The following GBF1 variants were observed in gnomAD, a reference collection of about 807,000 sequenced individuals.
GBF1 encodes golgi brefeldin A resistant guanine nucleotide exchange factor 1, also known as Golgi-specific brefeldin A-resistance guanine nucleotide exchange factor 1.
Under a neutral mutation model 210.5 loss-of-function variants are expected in GBF1, and 114 were observed. That is an observed-to-expected ratio of 0.54 (90% CI 0.47 to 0.63). GBF1 has a LOEUF of 0.63. GBF1 is among the 30% of genes least tolerant of loss of function. The pLI, the probability that GBF1 is intolerant of heterozygous loss-of-function variation, is 0.00. For missense variants in GBF1, 1,851 were observed against 2,357.7 expected, an observed-to-expected ratio of 0.79 and a Z score of 4.45; for synonymous variants, 850 against 889.2, an observed-to-expected ratio of 0.96 and a Z score of 0.78.
At chr10:102,233,909 G>C in the GBF1 span, among the ~76,000 whole-genome samples, 3 of 152,156 alleles carry the variant, frequency 2.0e-5, no homozygotes, top group Admixed American at 1.3e-4. Flanking sequence ...TTTTCTGCCT[G>C]CTCTCCCAGG....
intron 29 of GBF1, among the ~76,000 whole-genome samples, chr10:102,374,919 C>T (rs1380724342): frequency 6.6e-6 from 1 of 151,876 alleles, no homozygotes; most frequent in East Asian, 1.9e-4. Flanking sequence ...GCCTATAATC[C>T]CAGCACTTCA....
chr10:102,302,285 G>C (rs994209285), intron 3 of GBF1, among the ~76,000 whole-genome samples: 4 of 152,064 alleles, frequency 2.6e-5, no homozygotes, highest in Non-Finnish European at 5.9e-5. Context: ...AGAGGGGAGA[G>C]GTTAGTATTT....
intron 3 of GBF1, among the ~76,000 whole-genome samples, chr10:102,268,353 A>G (rs890513592): frequency 1.3e-5 from 2 of 152,250 alleles, no homozygotes; most frequent in African/African-American, 4.8e-5. Context: ...TTGTGTAAAA[A>G]GAGGGAAAAG....
At position 102,261,955 on chromosome 10, in the gene GBF1, GCT is replaced by G. The variant is rs200182736; in HGVS notation, c.163+1841_163+1842del. 1.4e-3 allele frequency among the ~76,000 whole-genome samples: 213 copies of G among 152,196 alleles called. 4 individuals are homozygous for G. The East Asian group carries it at 0.038, about 27-fold the overall frequency. On this transcript the variant is annotated intron_variant, in intron 3 of 39. Transcript: ENST00000369983. Reference sequence around the variant, plus strand: ...CTTTTTGTGCAGTGGCGTGATCTCAGCTCACTGTAACTTCTGCTTCTTGGGTT... The same window carrying G: ...CTTTTTGTGCAGTGGCGTGATCTCAGCACTGTAACTTCTGCTTCTTGGGTT...
intron 3 of GBF1, among the ~76,000 whole-genome samples, chr10:102,333,313 C>T (rs777071299): frequency 4.6e-5 from 7 of 152,250 alleles, no homozygotes; most frequent in South Asian, 4.1e-4. Flanking sequence ...TTCTGGAATC[C>T]GTTCCTGAAC....
At chr10:102,257,237 G>A (rs1212979675) in intron 1 of GBF1, among the ~76,000 whole-genome samples, 4 of 152,118 alleles carry the variant, frequency 2.6e-5, no homozygotes, top group Non-Finnish European at 5.9e-5. Context: ...ACTTTTCAAA[G>A]GTCTTGTCAC....
At chr10:102,337,377 A>G (rs1247958067) in intron 3 of GBF1, among the ~76,000 whole-genome samples, 1 of 151,094 alleles carries the variant, frequency 6.6e-6, no homozygotes, top group East Asian at 2.0e-4. Context: ...CTCAAAAAAA[A>G]AAAAAAAAAC....
chr10:102,302,986 CTTTT>C (rs1210930617), intron 3 of GBF1, among the ~76,000 whole-genome samples: 2 of 125,036 alleles, frequency 1.6e-5, no homozygotes, highest in Non-Finnish European at 3.4e-5. Flanking sequence ...CCATTTTAAG[CTTTT>C]TTTTTTTTTT....
At chr10:102,377,174 C>G in intron 33 of GBF1, 34 bp downstream of exon 33, 2 of 1,547,892 alleles carry the variant, frequency 1.3e-6, no homozygotes, top group Non-Finnish European at 1.8e-6. Context: ...CTCTCCTCCC[C>G]TGCACCTGAT....
intron 3 of GBF1, among the ~76,000 whole-genome samples, chr10:102,273,956 T>G (rs1176212780): frequency 6.6e-6 from 1 of 152,226 alleles, no homozygotes; most frequent in East Asian, 1.9e-4. Context: ...GCCACCCTTT[T>G]GAATCATCTT....
At chr10:102,376,165 G>A in intron 30 of GBF1, 107 bp from the exon 31 acceptor site, 1 of 793,694 alleles carries the variant, frequency 1.3e-6, no homozygotes, top group Non-Finnish European at 2.1e-6. Context: ...CTATGCCAGA[G>A]AGAGGGGAGG....
At chr10:102,263,340 A>C (rs1057333863) in intron 3 of GBF1, among the ~76,000 whole-genome samples, 3 of 152,174 alleles carry the variant, frequency 2.0e-5, no homozygotes, top group African/African-American at 7.2e-5. Context: ...GTGTTAGATG[A>C]CCAGTTAAGG....
intron 3 of GBF1, among the ~76,000 whole-genome samples, chr10:102,263,067 T>G (rs552514548): frequency 2.6e-4 from 40 of 152,344 alleles, no homozygotes; most frequent in African/African-American, 9.6e-4. Context: ...AATGACAGAA[T>G]AGACCTAAAA....
chr10:102,312,734 G>T (rs775207204), intron 3 of GBF1, among the ~76,000 whole-genome samples: 1 of 152,282 alleles, frequency 6.6e-6, no homozygotes, highest in South Asian at 2.1e-4. Flanking sequence ...ATAGAGCTTT[G>T]CCCATGAGAC....
chr10:102,296,614 T>G (rs2133764057), intron 3 of GBF1, among the ~76,000 whole-genome samples: 1 of 152,260 alleles, frequency 6.6e-6, no homozygotes, highest in South Asian at 2.1e-4. Context: ...TAGTGGCGGA[T>G]GCCTGTAATC....
intron 3 of GBF1, among the ~76,000 whole-genome samples, chr10:102,340,414 C>T (rs1008721597): frequency 6.6e-6 from 1 of 152,028 alleles, no homozygotes; most frequent in Non-Finnish European, 1.5e-5. Context: ...GCTGGGACTA[C>T]AGGCTCCCGC....
At chr10:102,358,959 C>A (rs2059442007) in intron 10 of GBF1, 13 of 592,034 alleles carry the variant, frequency 2.2e-5, no homozygotes, top group Non-Finnish European at 3.3e-5. Context: ...ATAGGTAGTA[C>A]TTGACAAAAG....
chr10:102,379,491 G>A lies in GBF1; in HGVS notation c.4646-30G>A, dbSNP rs1199890206. The A allele has an allele frequency of 2.5e-6, 4 of 1,613,934 alleles. No homozygotes were observed. In the East Asian group the frequency reaches 8.9e-5, roughly 36 times the overall value. On this transcript the variant is annotated intron_variant, in intron 34 of 39. Coordinates refer to ENST00000369983, the MANE Select transcript of GBF1 (RefSeq NM_001377137.1). ...GGGGAGCATCAGGATCAAGATGCCT[G>A]AAGGATCCTGACCCTGCTCTTGCTC...
At chr10:102,335,225 G>T (rs182309709) in intron 3 of GBF1, among the ~76,000 whole-genome samples, 1 of 152,170 alleles carries the variant, frequency 6.6e-6, no homozygotes, top group African/African-American at 2.4e-5. Context: ...TCCCCTCCTT[G>T]TGCCCTTTTT....
Sources: allele counts gnomAD v4.1 joint callset (sites outside exome capture counted in the v4.1 genomes callset), GRCh38; gene constraint gnomAD v4.1.1; transcripts MANE v1.5; gene names NCBI Gene and HGNC (gene_info 2026-07-23, HGNC 2026-07-21).